Variants in CHD8 observed in about 807,000 individuals in gnomAD.
CHD8 encodes chromodomain helicase DNA binding protein 8.
A neutral mutation model predicts 279.2 loss-of-function variants in CHD8; 31 were observed. That is an observed-to-expected ratio of 0.11 (90% CI 0.08 to 0.15). The LOEUF (loss-of-function observed/expected upper bound fraction) is 0.15, where lower values mean the gene tolerates loss of function less well. CHD8 is among the 10% of genes least tolerant of loss of function. The probability of loss-of-function intolerance (pLI) is 1.00; values close to 1 mark genes in which losing one functional copy is unlikely to be tolerated. For synonymous variants in CHD8, 1,081 were observed against 1,139.6 expected (o/e 0.95, Z 1.04); for missense variants, 2,146 against 3,230.5 (o/e 0.66, Z 8.14).
chr14:21,399,194 C>T (rs894367604), intron 26 of CHD8: 7 of 286,322 alleles, frequency 2.4e-5, no homozygotes, highest in Non-Finnish European at 4.9e-5. Context: ...AGAAATACAA[C>T]TGCGACAAGA....
At chr14:21,410,089 G>A (rs1888422790) in intron 10 of CHD8, 101 bp from the exon 11 acceptor site, 1 of 1,160,166 alleles carries the variant, frequency 8.6e-7, no homozygotes. Flanking sequence ...CAAAGTATCA[G>A]TACCTAGAAG....
intron 1 of CHD8, among the ~76,000 whole-genome samples, chr14:21,434,820 A>G (rs1028797350): frequency 1.5e-4 from 23 of 152,044 alleles, no homozygotes; most frequent in African/African-American, 5.1e-4. Context: ...CCTTCTCCCA[A>G]CATACATCTA....
chr14:21,431,271 T>C lies in CHD8; in HGVS notation c.373A>G (p.Ser125Gly). Residue 125 changes from serine (S) to glycine (G), a missense_variant, in exon 2 of 38, where the codon AGC (serine) becomes GGC (glycine). Ser to Gly is a moderately conservative substitution (Grantham distance 56). Transcript: ENST00000646647. ...PTSGLLQVSK[S>G]QEILSQGNPF... ...TTCCCTTGGCTCAGGATCTCCTGGC[T>C]CTTGGAGACTTGCAAAAGTCCTGAT... The C allele has an allele frequency of 6.3e-7, 1 of 1,587,908 alleles. No individual in the cohort carries two copies. The highest frequency in any genetic ancestry group is 8.5e-7 in the Non-Finnish European group (1 of 1,174,320).
In CHD8 at chr14:21,402,877, GCTGATTCC is replaced by G. The variant is rs949016877; in HGVS notation, c.3714+132_3714+139del. On this transcript the variant is annotated intron_variant, in intron 18 of 37. Transcript: ENST00000646647. This position sits in a 1 kb window ranked among gnomAD's most constrained non-coding sequence, Gnocchi z 4.5. ...GTCTTGTCGTTTACAGAAAACGTTT[GCTGATTCC>G]CTGACCTAACTGCCACCCTTAACTA... is the stretch of plus-strand genomic sequence containing the variant. 1 of 680,656 alleles carries G rather than the reference GCTGATTCC, an allele frequency of 1.5e-6. No individual in the cohort carries two copies. Among genetic ancestry groups the G allele is most frequent in the Admixed American group, 3.0e-5 (1 of 33,814 alleles). 42.2% of individuals were successfully genotyped at this position (680,656 alleles called of 1,614,324 possible).
At chr14:21,452,598 C>A (rs540971748) in intron 1 of CHD8, among the ~76,000 whole-genome samples, 1 of 151,928 alleles carries the variant, frequency 6.6e-6, no homozygotes, top group Non-Finnish European at 1.5e-5. Flanking sequence ...AAGCCGAGAT[C>A]GCGCCACTGC....
chr14:21,391,136 C>A, intron 36 of CHD8, 73 bp from the exon 37 acceptor site: 1 of 992,976 alleles, frequency 1.0e-6, no homozygotes, highest in Non-Finnish European at 1.5e-6. Flanking sequence ...GTACTAGTGT[C>A]TTTTGTTTGA....
At position 21,436,231 on chromosome 14, in the gene CHD8, ATCCTT is replaced by A. The variant is rs543240110; in HGVS notation, c.-215-4378_-215-4374del. Among the ~76,000 whole-genome samples, 3 of 152,330 alleles carry A rather than the reference ATCCTT, an allele frequency of 2.0e-5. No homozygotes were observed. The South Asian group carries it at 6.2e-4, about 32-fold the overall frequency. On this transcript the variant is annotated intron_variant, in intron 1 of 37. Coordinates refer to ENST00000646647, the MANE Select transcript of CHD8 (RefSeq NM_001170629.2). ...AACAAATCTTGTTGTTGGAAACTGT[ATCCTT>A]TCAAGAAGATCAGTTGCAGATAGAC... is the stretch of plus-strand genomic sequence containing the variant.
rs774826227 is a variant in CHD8, at chr14:21,400,922, A to G, written c.4323T>C (p.Tyr1441=). The change falls in exon 22 of 38, where the codon TAT becomes TAC. Residue 1441 remains tyrosine, a synonymous_variant. Coordinates refer to ENST00000646647, the MANE Select transcript of CHD8 (RefSeq NM_001170629.2). The surrounding 1 kb of genome is among the most constrained non-coding windows in gnomAD (Gnocchi z 4.2). The part of the protein sequence containing the change: ...RSRRHDRHHA[Y]GRTDCFRVEK... ...CCACCCGAAAGCAGTCAGTGCGCCC[A>G]TAGGCATGATGACGGTCATGTCTGC... 6.2e-6 allele frequency: 10 copies of G among 1,613,766 alleles called. No homozygotes were observed. In the South Asian group the frequency reaches 8.8e-5, roughly 14 times the overall value.
Position 21,429,289 on chromosome 14 carries a change from C to G in CHD8, c.890G>C (p.Gly297Ala). 1 of 1,606,378 alleles carries G rather than the reference C, an allele frequency of 6.2e-7. No individual in the cohort carries two copies. Among genetic ancestry groups the G allele is most frequent in the Middle Eastern group, 1.7e-4 (1 of 6,038 alleles). The part of the protein sequence containing the change: ...ITLVLQQPQS[G>A]GPQGHRHVVL... Reference sequence around the variant, plus strand: ...AACATGCCGATGTCCTTGGGGACCTCCAGACTGTGGCTGCTGGAGGACCAG... The same window carrying G: ...AACATGCCGATGTCCTTGGGGACCTGCAGACTGTGGCTGCTGGAGGACCAG... The change falls in exon 3 of 38, where the codon GGA (glycine) becomes GCA (alanine). Residue 297 changes from glycine (G) to alanine (A), a missense_variant. Transcript: ENST00000646647.
intron 1 of CHD8, among the ~76,000 whole-genome samples, chr14:21,451,750 T>C (rs1294039790): frequency 6.6e-6 from 1 of 152,056 alleles, no homozygotes; most frequent in African/African-American, 2.4e-5. Flanking sequence ...GTTGACCATT[T>C]TGCTTCATGT....
chr14:21,429,478 T>G, intron 2 of CHD8, 143 bp from the exon 3 acceptor site: 1 of 880,222 alleles, frequency 1.1e-6, no homozygotes, highest in South Asian at 1.3e-5. Context: ...CATCATCCTA[T>G]CTGTCTTGAT....
At chr14:21,386,836 CAA>C (rs36092694) in intron 37 of CHD8, among the ~76,000 whole-genome samples, 110 of 133,674 alleles carry the variant, frequency 8.2e-4, no homozygotes, top group East Asian at 9.1e-4. Flanking sequence ...GACTCCGTCT[CAA>C]AAAAAAAAAA....
At position 21,395,810 on chromosome 14, in the gene CHD8, T is replaced by C. The variant is rs777679702; in HGVS notation, c.5127+7A>G. On this transcript the variant is annotated splice_region_variant and intron_variant, in intron 28 of 37. Transcript: ENST00000646647. ...AGAAAAGTGAGACTCAAATGAGAAT[T>C]CCTTACCTCATCATCTTGGTCCTTT... 1 of 1,556,434 alleles carries C rather than the reference T, an allele frequency of 6.4e-7. No individual in the cohort carries two copies.
At chr14:21,427,414 C>A in intron 4 of CHD8, 1 of 50,202 alleles carries the variant, frequency 2.0e-5, no homozygotes, top group Admixed American at 1.6e-4. Context: ...AAGGAGCACT[C>A]ACTTGAGCTT....
rs1219439505 is a variant in CHD8, at chr14:21,395,484, A to G, written c.5128-132T>C. 14 of 647,162 alleles carry G rather than the reference A, an allele frequency of 2.2e-5. No homozygotes were observed. The Admixed American group carries it at 3.5e-4, about 16-fold the overall frequency. 40.1% of individuals were successfully genotyped at this position (647,162 alleles called of 1,614,324 possible). A position where few individuals can be genotyped will look rare whatever the true frequency, so the allele number is the denominator to read the frequency against. ...TCAAGAAAAACTTCTAAAGAAATAT[A>G]TCCCCACAAAAACTTGGAAACAATC... is the stretch of plus-strand genomic sequence containing the variant. On this transcript the variant is annotated intron_variant, in intron 28 of 37. Transcript: ENST00000646647.
At position 21,400,022 on chromosome 14, in the gene CHD8, A is replaced by G; in HGVS notation, c.4776T>C (p.Ile1592=). Reference sequence around the variant, plus strand: ...CTAACACCTTTTCTGCTTGGTCTCCAATAACCTCCTGCCTCAGGTAGTATA... The same window carrying G: ...CTAACACCTTTTCTGCTTGGTCTCCGATAACCTCCTGCCTCAGGTAGTATA... ...RMLYYLRQEV[I]GDQAEKVLGG... Residue 1592 remains isoleucine, a synonymous_variant, in exon 25 of 38, where the codon ATT becomes ATC. Coordinates refer to ENST00000646647, the MANE Select transcript of CHD8 (RefSeq NM_001170629.2). The surrounding 1 kb of genome is among the most constrained non-coding windows in gnomAD (Gnocchi z 4.2). The G allele has an allele frequency of 1.9e-6, 3 of 1,613,670 alleles. No individual in the cohort carries two copies. The highest frequency in any genetic ancestry group is 2.5e-6 in the Non-Finnish European group (3 of 1,179,854).
At chr14:21,432,109 A>G (rs1825406183) in intron 1 of CHD8, among the ~76,000 whole-genome samples, 1 of 152,192 alleles carries the variant, frequency 6.6e-6, no homozygotes, top group South Asian at 2.1e-4. Context: ...CTCTGTCAAG[A>G]GCATTTGGCT....
intron 1 of CHD8, among the ~76,000 whole-genome samples, chr14:21,449,567 G>C (rs1169480443): frequency 6.6e-6 from 1 of 152,156 alleles, no homozygotes; most frequent in African/African-American, 2.4e-5. Flanking sequence ...AGGATGAAAG[G>C]ACTCCAGTAC....
At chr14:21,454,000 A>T (rs1396756371) in intron 1 of CHD8, among the ~76,000 whole-genome samples, 2 of 149,626 alleles carry the variant, frequency 1.3e-5, no homozygotes, top group African/African-American at 5.1e-5. Context: ...CTAAAAATAA[A>T]AAAAAAAATT....
Sources: gnomAD v4.1 joint callset for allele counts (sites outside exome capture counted in the v4.1 genomes callset) on GRCh38, gnomAD v4.1.1 for gene constraint, Gnocchi (gnomAD v3.1) non-coding constraint, MANE v1.5 for transcripts, NCBI Gene and HGNC (gene_info 2026-07-23, HGNC 2026-07-21) for gene names.